B3GALT1: variants seen among roughly 807,000 people sequenced by gnomAD.
B3GALT1 encodes the protein UDP-Gal:betaGlcNAc beta 1,3-galactosyltransferase, polypeptide 1.
Under a neutral mutation model 23.2 loss-of-function variants are expected in B3GALT1, and 10 were observed. That is an observed-to-expected ratio of 0.43 (90% confidence interval 0.27 to 0.73). The LOEUF (loss-of-function observed/expected upper bound fraction) is 0.73. B3GALT1 is among the 30% of genes least tolerant of loss of function. The pLI is 0.21. For missense variants in B3GALT1, 299 were observed against 405.4 expected, an observed-to-expected ratio of 0.74 and a Z score of 2.25; for synonymous variants, 156 against 141.5, an observed-to-expected ratio of 1.10 and a Z score of -0.73.
At chr2:167,293,622 G>A (rs1362571983) in intron 1 of B3GALT1, among the ~76,000 whole-genome samples, 3 of 152,138 alleles carry the variant, frequency 2.0e-5, no homozygotes, top group Non-Finnish European at 2.9e-5. Context: ...GAGAACAGTG[G>A]GTCCCCTCTG....
intron 1 of B3GALT1, among the ~76,000 whole-genome samples, chr2:167,419,026 A>C (rs1661009608): frequency 6.6e-6 from 1 of 152,244 alleles, no homozygotes; most frequent in Non-Finnish European, 1.5e-5. Flanking sequence ...CTCTGTGTGT[A>C]AAATGATTTT....
At chr2:167,781,082 G>C (rs1266727905) in intron 3 of B3GALT1, among the ~76,000 whole-genome samples, 1 of 152,152 alleles carries the variant, frequency 6.6e-6, no homozygotes, top group East Asian at 1.9e-4. Flanking sequence ...AGTTGAGGAA[G>C]AACACCCCTC....
intron 2 of B3GALT1, among the ~76,000 whole-genome samples, chr2:167,639,300 C>T (rs990253279): frequency 1.3e-5 from 2 of 152,004 alleles, no homozygotes; most frequent in South Asian, 4.2e-4. Context: ...TTGACTATTT[C>T]CACAGTACCC....
In B3GALT1 at chr2:167,705,320, C is replaced by T. The variant is rs184101264; in HGVS notation, c.-352+58354C>T. Among the ~76,000 whole-genome samples the T allele has an allele frequency of 2.0e-5, 3 of 152,304 alleles. No individual in the cohort carries two copies. In the East Asian group the frequency reaches 5.8e-4, roughly 29 times the overall value. ...GACCCAAAAGAAAAACTTATCTCAG[C>T]TTTAATCCCTGAAGAACTCTTCTTT... On this transcript the variant is annotated intron_variant, in intron 3 of 4. Transcript: ENST00000392690.
At chr2:167,599,878 A>G (rs1195336731) in intron 2 of B3GALT1, among the ~76,000 whole-genome samples, 1 of 152,204 alleles carries the variant, frequency 6.6e-6, no homozygotes, top group African/African-American at 2.4e-5. Context: ...AGAGTATTTA[A>G]CACTTGGTTG....
chr2:167,707,879 A>T (rs1686989130), intron 3 of B3GALT1, among the ~76,000 whole-genome samples: 1 of 152,244 alleles, frequency 6.6e-6, no homozygotes, highest in African/African-American at 2.4e-5. Flanking sequence ...AATAGCAGTT[A>T]CATTGGTAAT....
intron 3 of B3GALT1, among the ~76,000 whole-genome samples, chr2:167,768,832 A>C (rs1272822823): frequency 6.6e-6 from 1 of 152,190 alleles, no homozygotes; most frequent in Non-Finnish European, 1.5e-5. Context: ...ACTGTGCTTG[A>C]TAGCGATTAT....
intron 2 of B3GALT1, among the ~76,000 whole-genome samples, chr2:167,518,533 G>C (rs1700136619): frequency 6.6e-6 from 1 of 152,114 alleles, no homozygotes. Context: ...CTCTATTTAG[G>C]TAACAGAAAG....
chr2:167,666,199 C>A (rs1375851267), intron 3 of B3GALT1, among the ~76,000 whole-genome samples: 1 of 152,192 alleles, frequency 6.6e-6, no homozygotes, highest in African/African-American at 2.4e-5. Flanking sequence ...GCCTTCATTT[C>A]ATTATGTACC....
At chr2:167,660,929 A>G (rs564869249) in intron 3 of B3GALT1, among the ~76,000 whole-genome samples, 9 of 152,252 alleles carry the variant, frequency 5.9e-5, no homozygotes, top group Non-Finnish European at 1.0e-4. Flanking sequence ...CTACCCTAAC[A>G]CATTTACAAA....
intron 1 of B3GALT1, among the ~76,000 whole-genome samples, chr2:167,329,660 A>G (rs1696943628): frequency 6.6e-6 from 1 of 152,112 alleles, no homozygotes; most frequent in Non-Finnish European, 1.5e-5. Context: ...TTGGATGCAT[A>G]TATATTTAGA....
At chr2:167,860,413 T>C (rs1400915661) in intron 4 of B3GALT1, among the ~76,000 whole-genome samples, 2 of 152,166 alleles carry the variant, frequency 1.3e-5, no homozygotes, top group Non-Finnish European at 2.9e-5. Flanking sequence ...CTTGCCTCCC[T>C]TTTAGCTGGT....
At chr2:167,488,597 A>G (rs13020311) in intron 1 of B3GALT1, among the ~76,000 whole-genome samples, 1 of 152,236 alleles carries the variant, frequency 6.6e-6, no homozygotes, top group Non-Finnish European at 1.5e-5. Context: ...TTGTTTTTTA[A>G]TGTAAGTACA....
chr2:167,317,108 G>A (rs1041264696), intron 1 of B3GALT1, among the ~76,000 whole-genome samples: 3 of 152,088 alleles, frequency 2.0e-5, no homozygotes, highest in Admixed American at 6.5e-5. Context: ...AAAGAGAACA[G>A]CTCTAATTAT....
chr2:167,500,714 A>C (rs563335944), intron 2 of B3GALT1, among the ~76,000 whole-genome samples: 1 of 152,330 alleles, frequency 6.6e-6, no homozygotes, highest in African/African-American at 2.4e-5. Context: ...AGCATCAATA[A>C]GTCTTTAACG....
chr2:167,774,010 C>T (rs1234198500), intron 3 of B3GALT1, among the ~76,000 whole-genome samples: 1 of 152,234 alleles, frequency 6.6e-6, no homozygotes, highest in African/African-American at 2.4e-5. Flanking sequence ...GATATTCCAA[C>T]TGAAGTGGTA....
intron 1 of B3GALT1, among the ~76,000 whole-genome samples, chr2:167,444,404 CT>C (rs1559098454): frequency 6.6e-6 from 1 of 152,158 alleles, no homozygotes; most frequent in African/African-American, 2.4e-5. Flanking sequence ...GGCAGATTCC[CT>C]TTTTTTCTAT....
chr2:167,458,452 C>T (rs1699205077), intron 1 of B3GALT1, among the ~76,000 whole-genome samples: 1 of 152,158 alleles, frequency 6.6e-6, no homozygotes, highest in Non-Finnish European at 1.5e-5. Flanking sequence ...GCCATGTTTT[C>T]AATTCTTTGG....
At chr2:167,559,383 C>G (rs767483625) in intron 2 of B3GALT1, among the ~76,000 whole-genome samples, 2 of 152,154 alleles carry the variant, frequency 1.3e-5, no homozygotes, top group African/African-American at 4.8e-5. Context: ...ACTGGAAACT[C>G]TAAAAAGCAG....
Sources: gnomAD v4.1 joint callset for allele counts (sites outside exome capture counted in the v4.1 genomes callset) on GRCh38, gnomAD v4.1.1 for gene constraint, MANE v1.5 for transcripts, NCBI Gene and HGNC (gene_info 2026-07-23, HGNC 2026-07-21) for gene names.